The following HS3ST3B1 variants were observed in gnomAD, a reference collection of about 807,000 sequenced individuals.
HS3ST3B1 encodes heparan sulfate-glucosamine 3-sulfotransferase 3B1.
In HS3ST3B1, 13 loss-of-function variants were observed where a neutral mutation model predicts 21.3. The ratio of observed to expected loss-of-function variants is 0.61; its 90% CI spans 0.40 to 0.97. The LOEUF is 0.97. HS3ST3B1 is among the 50% of genes least tolerant of loss of function. The probability of loss-of-function intolerance (pLI) is 0.00; values close to 1 mark genes in which losing one functional copy is unlikely to be tolerated. For synonymous variants in HS3ST3B1, 234 were observed against 254.8 expected (o/e 0.92, Z 0.78); for missense variants, 459 against 554.8 (o/e 0.83, Z 1.73).
At chr17:14,321,614 G>T (rs555099523) in intron 1 of HS3ST3B1, among the ~76,000 whole-genome samples, 77 of 152,252 alleles carry the variant, frequency 5.1e-4, no homozygotes, top group African/African-American at 1.7e-3. Context: ...AGCCTTTTAG[G>T]TGAGCTGCCT....
At chr17:14,320,314 G>T (rs2142334940) in intron 1 of HS3ST3B1, among the ~76,000 whole-genome samples, 1 of 152,252 alleles carries the variant, frequency 6.6e-6, no homozygotes, top group African/African-American at 2.4e-5. Flanking sequence ...TGACATGGGA[G>T]TGAAGTTTTG....
In HS3ST3B1 at chr17:14,312,348, C is replaced by T. The variant is rs138726873; in HGVS notation, c.554+10276C>T. On this transcript the variant is annotated intron_variant, in intron 1 of 1. Coordinates refer to ENST00000360954, the MANE Select transcript of HS3ST3B1 (RefSeq NM_006041.3). The stretch of plus-strand genomic sequence containing the variant: ...CCCTTCAAACTCCATAACTTGGAGG[C>T]TGTCTACCTGCCTGAAATTCAATGC... Among the ~76,000 whole-genome samples, 13 of 152,320 alleles carry T rather than the reference C, an allele frequency of 8.5e-5. 1 individual carries two copies. The East Asian group carries it at 2.1e-3, about 25-fold the overall frequency.
rs367798188 is a variant in HS3ST3B1 at position 14,338,272 on chromosome 17, C to T, written c.555-6756C>T. ...TCCGGAGTGACTGGGACTACAGGTG[C>T]GTGCCGCCACGCCCGGCTAATTTTT... On this transcript the variant is annotated intron_variant, in intron 1 of 1. Transcript: ENST00000360954. 1.5e-3 allele frequency among the ~76,000 whole-genome samples: 229 copies of T among 149,344 alleles called. 6 individuals carry two copies. Among genetic ancestry groups the T allele is most frequent in the African/African-American group, 5.3e-3 (212 of 40,140 alleles).
chr17:14,315,839 A>G (rs72818691), intron 1 of HS3ST3B1, among the ~76,000 whole-genome samples: 66,943 of 150,884 alleles, frequency 0.44, 18,332 homozygotes, highest in Non-Finnish European at 0.61. Flanking sequence ...AAAAAAATTA[A>G]TAGGTAGAGG....
chr17:14,313,145 T>TATATACACACATATA (rs1349125456), intron 1 of HS3ST3B1, among the ~76,000 whole-genome samples: 1 of 150,554 alleles, frequency 6.6e-6, no homozygotes, highest in African/African-American at 2.4e-5. Flanking sequence ...TATATATATA[T>TATATACACACATATA]TTTTAGTAGA....
intron 1 of HS3ST3B1, among the ~76,000 whole-genome samples, chr17:14,344,114 G>A (rs1482366309): frequency 6.6e-6 from 1 of 152,072 alleles, no homozygotes; most frequent in Non-Finnish European, 1.5e-5. Context: ...TGTCCAGGCT[G>A]GTTTCAATCT....
At position 14,308,333 on chromosome 17, in the gene HS3ST3B1, AGTTT is replaced by A. The variant is rs1309943545; in HGVS notation, c.554+6262_554+6265del. 7.3e-4 allele frequency among the ~76,000 whole-genome samples: 111 copies of A among 152,370 alleles called. 1 individual carries two copies. Among genetic ancestry groups the A allele is most frequent in the Non-Finnish European group, 1.8e-4 (12 of 68,034 alleles). ...CTAATGCTAATAAAACCCACCATTA[AGTTT>A]ATTTGTACATAGATAAAAGTGGTAT... On this transcript the variant is annotated intron_variant, in intron 1 of 1. Transcript: ENST00000360954.
At chr17:14,325,199 A>G (rs549071713) in intron 1 of HS3ST3B1, among the ~76,000 whole-genome samples, 1 of 152,378 alleles carries the variant, frequency 6.6e-6, no homozygotes, top group African/African-American at 2.4e-5. Context: ...CTACTGGCAC[A>G]GATAGGGCCC....
chr17:14,330,477 C>G (rs1452022374), intron 1 of HS3ST3B1, among the ~76,000 whole-genome samples: 3 of 151,846 alleles, frequency 2.0e-5, no homozygotes, highest in Non-Finnish European at 4.4e-5. Context: ...TTTCATATGC[C>G]CAGTGCCCAC....
chr17:14,320,821 T>C lies in HS3ST3B1; in HGVS notation c.554+18749T>C, dbSNP rs147748955. On this transcript the variant is annotated intron_variant, in intron 1 of 1. Coordinates refer to ENST00000360954, the MANE Select transcript of HS3ST3B1 (RefSeq NM_006041.3). ...CAGACCTACAATAGGAACAGCCCCATTGGCCGCTCAGTTCCAGCATTCAGT... is the reference window on the plus strand; with the variant it reads ...CAGACCTACAATAGGAACAGCCCCACTGGCCGCTCAGTTCCAGCATTCAGT... 6.7e-3 allele frequency among the ~76,000 whole-genome samples: 1,015 copies of C among 152,328 alleles called. 10 individuals carry two copies. The highest frequency in any genetic ancestry group is 0.023 in the African/African-American group (966 of 41,566).
At chr17:14,310,652 C>T (rs1909277169) in intron 1 of HS3ST3B1, among the ~76,000 whole-genome samples, 1 of 152,198 alleles carries the variant, frequency 6.6e-6, no homozygotes, top group African/African-American at 2.4e-5. Flanking sequence ...TAATTCTCTT[C>T]CAGATCGCTC....
intron 1 of HS3ST3B1, chr17:14,327,447 C>T (rs1438819569): frequency 6.6e-6 from 1 of 152,158 alleles, no homozygotes; most frequent in Non-Finnish European, 1.5e-5. Context: ...AAATAAGGAA[C>T]TCTGATCTTA....
chr17:14,323,769 C>G (rs777946522), intron 1 of HS3ST3B1, among the ~76,000 whole-genome samples: 2 of 152,104 alleles, frequency 1.3e-5, no homozygotes, highest in Non-Finnish European at 2.9e-5. Context: ...ATTTAGCAAA[C>G]CCAGGAAAAC....
At chr17:14,338,283 G>A (rs914614374) in intron 1 of HS3ST3B1, among the ~76,000 whole-genome samples, 2 of 151,250 alleles carry the variant, frequency 1.3e-5, no homozygotes, top group African/African-American at 4.9e-5. Flanking sequence ...GTGCCGCCAC[G>A]CCCGGCTAAT....
At position 14,308,688 on chromosome 17, in the gene HS3ST3B1, G is replaced by A. The variant is rs374827743; in HGVS notation, c.554+6616G>A. ...TATTTTTGTTCTAAATATGGCAAATGTGAAAAAATAAGACTCTGGTTTAAC... is the reference window on the plus strand; with the variant it reads ...TATTTTTGTTCTAAATATGGCAAATATGAAAAAATAAGACTCTGGTTTAAC... On this transcript the variant is annotated intron_variant, in intron 1 of 1. Transcript: ENST00000360954. Among the ~76,000 whole-genome samples the A allele has an allele frequency of 5.9e-4, 90 of 152,288 alleles. 1 individual carries two copies. The highest frequency in any genetic ancestry group is 2.0e-3 in the African/African-American group (84 of 41,548).
chr17:14,339,186 G>A (rs961516483), intron 1 of HS3ST3B1, among the ~76,000 whole-genome samples: 1 of 152,116 alleles, frequency 6.6e-6, no homozygotes, highest in African/African-American at 2.4e-5. Flanking sequence ...AAGAAGAGGC[G>A]GGGCCAGGGT....
At position 14,347,237 on chromosome 17, in the gene HS3ST3B1, G is replaced by T. The variant is rs1324854849; in HGVS notation, c.*1591G>T. ...GTTTTAGCCAGGTCTTGACAGAAGGGTTACCAGCACTGTCACTGCTCTACA... is the reference window on the plus strand; with the variant it reads ...GTTTTAGCCAGGTCTTGACAGAAGGTTTACCAGCACTGTCACTGCTCTACA... On this transcript the variant is annotated 3_prime_UTR_variant, in exon 2 of 2. Coordinates refer to ENST00000360954, the MANE Select transcript of HS3ST3B1 (RefSeq NM_006041.3). 2.6e-5 allele frequency: 4 copies of T among 152,078 alleles called. No homozygotes were observed. Among genetic ancestry groups the T allele is most frequent in the Non-Finnish European group, 4.4e-5 (3 of 68,032 alleles). The allele number at this position is 152,078 out of a possible 1,614,324, so 9.4% of individuals were successfully genotyped here. A position where few individuals can be genotyped will look rare whatever the true frequency, so the allele number is the denominator to read the frequency against.
At chr17:14,310,276 G>T (rs929033235) in intron 1 of HS3ST3B1, among the ~76,000 whole-genome samples, 1 of 152,024 alleles carries the variant, frequency 6.6e-6, no homozygotes, top group African/African-American at 2.4e-5. Context: ...GTTCACACAC[G>T]CCAGGCTCGT....
Position 14,303,092 on chromosome 17 carries a change from CG to C in HS3ST3B1, c.554+1023del, listed in dbSNP as rs1908997733. ...GTGAGCTGTTGGGTTGCCCGAGCTT[CG>C]GGTAAGGCGCGAGTGGGCAGGAGGT... On this transcript the variant is annotated intron_variant, in intron 1 of 1. Coordinates refer to ENST00000360954, the MANE Select transcript of HS3ST3B1 (RefSeq NM_006041.3). This position sits in a 1 kb window ranked among gnomAD's most constrained non-coding sequence, Gnocchi z 5.7. Among the ~76,000 whole-genome samples, 2 of 152,070 alleles carry C rather than the reference CG, an allele frequency of 1.3e-5. No homozygotes were observed. The highest frequency in any genetic ancestry group is 4.1e-4 in the South Asian group (2 of 4,828).
Sources: gnomAD v4.1 joint callset for allele counts (sites outside exome capture counted in the v4.1 genomes callset) on GRCh38, gnomAD v4.1.1 for gene constraint, Gnocchi (gnomAD v3.1) non-coding constraint, MANE v1.5 for transcripts, NCBI Gene and HGNC (gene_info 2026-07-23, HGNC 2026-07-21) for gene names.